Variants in TRERF1 observed in about 807,000 individuals in gnomAD.
The protein encoded by TRERF1 is transcriptional regulating factor 1.
Under a neutral mutation model 122.9 loss-of-function variants are expected in TRERF1, and 27 were observed. That is an observed-to-expected ratio of 0.22 (90% CI 0.16 to 0.30). The LOEUF is 0.30. Among genes scored for constraint, TRERF1 ranks in the 10% least tolerant of loss-of-function variants. TRERF1 has a pLI of 1.00. For synonymous variants in TRERF1, 636 were observed against 641.7 expected, an observed-to-expected ratio of 0.99 and a Z score of 0.13; for missense variants, 1,248 against 1,560.3, an observed-to-expected ratio of 0.80 and a Z score of 3.37.
chr6:42,405,138 A>T (rs1779977861), intron 2 of TRERF1, among the ~76,000 whole-genome samples: 1 of 151,956 alleles, frequency 6.6e-6, no homozygotes, highest in Non-Finnish European at 1.5e-5. Context: ...TATAGACAGA[A>T]AAGTGAGGCA....
chr6:42,243,413 G>C (rs758110685), intron 14 of TRERF1, 52 bp from the exon 15 acceptor site: 312 of 1,257,996 alleles, frequency 2.5e-4, no homozygotes, highest in Non-Finnish European at 3.4e-4. Flanking sequence ...AGAGAGCAAA[G>C]GTAGCAAGCA....
At chr6:42,386,391 C>T (rs1776821140) in intron 2 of TRERF1, among the ~76,000 whole-genome samples, 1 of 151,860 alleles carries the variant, frequency 6.6e-6, no homozygotes, top group South Asian at 2.1e-4. Context: ...TGCAGTGAGC[C>T]GAGATCACGC....
intron 3 of TRERF1, among the ~76,000 whole-genome samples, chr6:42,316,051 G>A (rs1762439594): frequency 6.6e-6 from 1 of 152,144 alleles, no homozygotes; most frequent in African/African-American, 2.4e-5. Context: ...CTCCACTGGG[G>A]GTGGGGGCAC....
At chr6:42,423,181 C>T (rs1201991260) in intron 2 of TRERF1, among the ~76,000 whole-genome samples, 2 of 152,178 alleles carry the variant, frequency 1.3e-5, no homozygotes, top group Non-Finnish European at 2.9e-5. Flanking sequence ...CTTTATCCAT[C>T]CCCAGAGGAA....
chr6:42,394,086 A>C (rs1778182793), intron 2 of TRERF1, among the ~76,000 whole-genome samples: 1 of 152,116 alleles, frequency 6.6e-6, no homozygotes, highest in African/African-American at 2.4e-5. Context: ...CCAGATTTTT[A>C]AATCTGGATT....
chr6:42,382,848 T>C (rs1248909353), intron 2 of TRERF1, among the ~76,000 whole-genome samples: 1 of 151,904 alleles, frequency 6.6e-6, no homozygotes, highest in Non-Finnish European at 1.5e-5. Flanking sequence ...TACATGCCAG[T>C]AGGATTCTCC....
At chr6:42,287,059 G>A (rs1184038792) in intron 4 of TRERF1, among the ~76,000 whole-genome samples, 3 of 147,688 alleles carry the variant, frequency 2.0e-5, no homozygotes, top group African/African-American at 5.0e-5. Flanking sequence ...AACAAACGCC[G>A]CATATTCTCA....
Position 42,268,679 on chromosome 6 carries a change from T to C in TRERF1, c.912A>G (p.Pro304=), listed in dbSNP as rs560939131. The C allele has an allele frequency of 5.5e-4, 885 of 1,614,148 alleles. 3 individuals are homozygous for C. The African/African-American group carries it at 9.2e-3, about 17-fold the overall frequency. Residue 304 remains proline, a synonymous_variant, in exon 5 of 18, where the codon CCA becomes CCG. Coordinates refer to ENST00000372922, the Ensembl canonical transcript of TRERF1. This position sits in a 1 kb window ranked among gnomAD's most constrained non-coding sequence, Gnocchi z 4.4. ...GTAGCTGCTGCGGCTGCTGCTGCTG[T>C]GGCGGCGGCTGTGGCTGTGATGGGC...
intron 2 of TRERF1, among the ~76,000 whole-genome samples, chr6:42,369,655 T>G (rs1773411927): frequency 6.6e-6 from 1 of 152,204 alleles, no homozygotes; most frequent in African/African-American, 2.4e-5. Context: ...AACTTTTGTT[T>G]TGTCAAGCAA....
In TRERF1 at chr6:42,276,138, C is replaced by T. The variant is rs1781098901; in HGVS notation, c.-258-6290G>A. On this transcript the variant is annotated intron_variant, in intron 4 of 17. Transcript: ENST00000372922. This position sits in a 1 kb window ranked among gnomAD's most constrained non-coding sequence, Gnocchi z 4.3. ...TAGAGCATCAAAGTCTCTCCACACC[C>T]CACCCCCTGGCCTGGGGCACCAGGA... Among the ~76,000 whole-genome samples the T allele has an allele frequency of 6.6e-6, 1 of 152,196 alleles. No homozygotes were observed. Among genetic ancestry groups the T allele is most frequent in the Non-Finnish European group, 1.5e-5 (1 of 68,028 alleles).
At chr6:42,425,555 T>G (rs1783513265) in intron 2 of TRERF1, among the ~76,000 whole-genome samples, 1 of 138,980 alleles carries the variant, frequency 7.2e-6, no homozygotes, top group Non-Finnish European at 1.5e-5. Context: ...TTTTTTTTTT[T>G]TTTTTTGAGA....
chr6:42,294,462 G>A lies in TRERF1; in HGVS notation c.-259+6176C>T, dbSNP rs549946869. Among the ~76,000 whole-genome samples the A allele has an allele frequency of 1.1e-4, 17 of 152,190 alleles. No homozygotes were observed. The South Asian group carries it at 2.9e-3, about 26-fold the overall frequency. On this transcript the variant is annotated intron_variant, in intron 4 of 17. Coordinates refer to ENST00000372922, the Ensembl canonical transcript of TRERF1. ...CCCAAAGTGCTAGGATTACAGGCAT[G>A]AGCCACCGCGCCCGGCCTTAATGTT...
chr6:42,285,674 TGA>T lies in TRERF1; in HGVS notation c.-259+14962_-259+14963del, dbSNP rs555144826. Among the ~76,000 whole-genome samples the T allele has an allele frequency of 8.3e-3, 1,265 of 151,956 alleles. 7 individuals are homozygous for T. Among genetic ancestry groups the T allele is most frequent in the African/African-American group, 0.013 (537 of 41,436 alleles). Reference sequence around the variant, plus strand: ...TACGTCCCATCAATACCTAATTTATTGAGAGTTTTTAGCATGAAGGGTTGTTG... The same window carrying T: ...TACGTCCCATCAATACCTAATTTATTGAGTTTTTAGCATGAAGGGTTGTTG... On this transcript the variant is annotated intron_variant, in intron 4 of 17. Transcript: ENST00000372922.
intron 4 of TRERF1, among the ~76,000 whole-genome samples, chr6:42,277,815 C>T (rs35487703): frequency 0.027 from 3,941 of 148,338 alleles, 69 homozygotes; most frequent in Non-Finnish European, 0.036. Flanking sequence ...TGCATGCTAG[C>T]CCTATCTCAA....
At chr6:42,353,798 T>G (rs1431986316) in intron 3 of TRERF1, among the ~76,000 whole-genome samples, 2 of 152,216 alleles carry the variant, frequency 1.3e-5, no homozygotes, top group Non-Finnish European at 2.9e-5. Context: ...TCAAGTAGTA[T>G]AATTTCTTTA....
At chr6:42,360,277 C>G (rs1228078638) in intron 3 of TRERF1, among the ~76,000 whole-genome samples, 1 of 152,214 alleles carries the variant, frequency 6.6e-6, no homozygotes, top group East Asian at 1.9e-4. Context: ...AACCTCATTA[C>G]TGTAATTTAA....
rs78190183 is a variant in TRERF1, at chr6:42,423,638, G to A, written c.-454+27539C>T. Among the ~76,000 whole-genome samples the A allele has an allele frequency of 3.3e-3, 497 of 152,080 alleles. 2 individuals carry two copies. Among genetic ancestry groups the A allele is most frequent in the African/African-American group, 0.011 (471 of 41,466 alleles). ...TTTGTAGTGATCAAAAAATACATTC[G>A]TGGTAATAAGAAAAAAATAAAATAA... On this transcript the variant is annotated intron_variant, in intron 2 of 17. Coordinates refer to ENST00000372922, the Ensembl canonical transcript of TRERF1.
intron 2 of TRERF1, among the ~76,000 whole-genome samples, chr6:42,413,597 T>G (rs1314805057): frequency 6.6e-6 from 1 of 152,038 alleles, no homozygotes; most frequent in Non-Finnish European, 1.5e-5. Flanking sequence ...GCCCAGCTAA[T>G]TTTTGTATTT....
In TRERF1 at chr6:42,398,172, T is replaced by A. The variant is rs75633862; in HGVS notation, c.-453-35093A>T. Among the ~76,000 whole-genome samples, 12 of 152,326 alleles carry A rather than the reference T, an allele frequency of 7.9e-5. No individual in the cohort carries two copies. In the East Asian group the frequency reaches 2.3e-3, roughly 29 times the overall value. ...TGCTAGCTGTGTGCCCCTGATTAGATGATGTATGCGGACTGGATGAACATA... is the reference window on the plus strand; with the variant it reads ...TGCTAGCTGTGTGCCCCTGATTAGAAGATGTATGCGGACTGGATGAACATA... On this transcript the variant is annotated intron_variant, in intron 2 of 17. Coordinates refer to ENST00000372922, the Ensembl canonical transcript of TRERF1.
Sources: allele counts gnomAD v4.1 joint callset (sites outside exome capture counted in the v4.1 genomes callset), GRCh38; gene constraint gnomAD v4.1.1; non-coding constraint Gnocchi (gnomAD v3.1); transcripts MANE v1.5; gene names NCBI Gene and HGNC (gene_info 2026-07-23, HGNC 2026-07-21).